The following GALNT1 variants were observed in gnomAD, a reference collection of about 807,000 sequenced individuals.
GALNT1 encodes the protein GalNAc transferase 1.
In GALNT1, 17 loss-of-function variants were observed where a neutral mutation model predicts 65.7. The observed-to-expected ratio is 0.26, with a 90% CI of 0.18 to 0.39. GALNT1 has a LOEUF of 0.39. Among genes scored for constraint, GALNT1 ranks in the 10% least tolerant of loss-of-function variants. GALNT1 has a pLI of 1.00. For missense variants in GALNT1, 460 were observed against 672.8 expected, an observed-to-expected ratio of 0.68 and a Z score of 3.50; for synonymous variants, 210 against 219.7, an observed-to-expected ratio of 0.96 and a Z score of 0.39.
chr18:35,606,014 G>A (rs946440720), intron 1 of GALNT1, among the ~76,000 whole-genome samples: 11 of 152,200 alleles, frequency 7.2e-5, no homozygotes, highest in African/African-American at 2.7e-4. Context: ...GTTATACTGT[G>A]CTAACAGTCT....
At chr18:35,676,288 G>A (rs1413585589) in intron 3 of GALNT1, among the ~76,000 whole-genome samples, 1 of 152,100 alleles carries the variant, frequency 6.6e-6, no homozygotes, top group Admixed American at 6.5e-5. Flanking sequence ...GGGGTCTTGG[G>A]AATGGTGAAG....
intron 1 of GALNT1, among the ~76,000 whole-genome samples, chr18:35,617,951 C>T (rs1350016664): frequency 6.6e-6 from 1 of 151,898 alleles, no homozygotes; most frequent in Non-Finnish European, 1.5e-5. Context: ...TTCGATAACT[C>T]TTCAGATTAG....
chr18:35,647,871 T>C (rs1041395053), intron 1 of GALNT1, among the ~76,000 whole-genome samples: 1 of 151,944 alleles, frequency 6.6e-6, no homozygotes, highest in Non-Finnish European at 1.5e-5. Flanking sequence ...TTGGGAAAAT[T>C]TGGCATGTGA....
chr18:35,630,984 C>G (rs964650915), intron 1 of GALNT1, among the ~76,000 whole-genome samples: 5 of 152,168 alleles, frequency 3.3e-5, no homozygotes, highest in African/African-American at 1.2e-4. Context: ...GACACATACA[C>G]TCTCCCAAGA....
At chr18:35,629,112 G>A (rs1193331430) in intron 1 of GALNT1, among the ~76,000 whole-genome samples, 24 of 152,140 alleles carry the variant, frequency 1.6e-4, no homozygotes, top group Admixed American at 1.4e-3. Context: ...GAAAGTGATG[G>A]GGAGAATGGA....
Position 35,710,718 on chromosome 18 carries a change from T to C in GALNT1, c.*948T>C, listed in dbSNP as rs2048339901. ...CGACTTCTTCACTTGACCTAACTGA[T>C]TATGCGAAATACCCAAGATTCATGC... On this transcript the variant is annotated 3_prime_UTR_variant, in exon 12 of 12. Coordinates refer to ENST00000269195, the MANE Select transcript of GALNT1 (RefSeq NM_020474.4). 1 of 152,768 alleles carries C rather than the reference T, an allele frequency of 6.5e-6. No homozygotes were observed. The highest frequency in any genetic ancestry group is 1.9e-4 in the East Asian group (1 of 5,190). 9.5% of individuals were successfully genotyped at this position (152,768 alleles called of 1,614,324 possible). A position where few individuals can be genotyped will look rare whatever the true frequency, so the allele number is the denominator to read the frequency against.
intron 1 of GALNT1, among the ~76,000 whole-genome samples, chr18:35,583,923 C>A (rs1413517250): frequency 6.6e-6 from 1 of 152,212 alleles, no homozygotes; most frequent in Non-Finnish European, 1.5e-5. Context: ...AATTTTGAAT[C>A]TGAATCACAC....
rs542277769 is a variant in GALNT1, at chr18:35,605,574, T to TCTCC, written c.-104+23723_-104+23726dup. 3.8e-4 allele frequency among the ~76,000 whole-genome samples: 58 copies of TCTCC among 151,906 alleles called. No homozygotes were observed. The South Asian group carries it at 6.7e-3, about 17-fold the overall frequency. On this transcript the variant is annotated intron_variant, in intron 1 of 11. Coordinates refer to ENST00000269195, the MANE Select transcript of GALNT1 (RefSeq NM_020474.4). Reference sequence around the variant, plus strand: ...ATTTTTATTTTTTAAAACTCTTAGATCTCCCTCCCTCCCTTTTTCTTCCTT... The same window carrying TCTCC: ...ATTTTTATTTTTTAAAACTCTTAGATCTCCCTCCCTCCCTCCCTTTTTCTTCCTT...
rs753167333 is a variant in GALNT1 at position 35,663,670 on chromosome 18, T to G, written c.182T>G (p.Met61Arg). 8.1e-6 allele frequency: 13 copies of G among 1,613,822 alleles called. No homozygotes were observed. The highest frequency in any genetic ancestry group is 8.0e-5 in the African/African-American group (6 of 74,894). ...AAGCCTCATGAAGGTCCTGGAGAAATGGGGAAACCAGTCGTCATTCCTAAA... is the reference window on the plus strand; with the variant it reads ...AAGCCTCATGAAGGTCCTGGAGAAAGGGGGAAACCAGTCGTCATTCCTAAA... ...VQKPHEGPGE[M>R]GKPVVIPKED... Residue 61 changes from methionine to arginine, a missense_variant, in exon 3 of 12, where the codon ATG becomes AGG. Transcript: ENST00000269195.
chr18:35,684,651 C>G (rs947239448), intron 5 of GALNT1, among the ~76,000 whole-genome samples: 45 of 152,158 alleles, frequency 3.0e-4, no homozygotes, highest in Non-Finnish European at 2.2e-4. Context: ...TTCTGAATAA[C>G]TTTTCCAACT....
At chr18:35,686,103 C>G (rs1396149205) in intron 5 of GALNT1, among the ~76,000 whole-genome samples, 1 of 152,088 alleles carries the variant, frequency 6.6e-6, no homozygotes, top group East Asian at 1.9e-4. Context: ...TTCACACCAA[C>G]AAGGAATACT....
intron 5 of GALNT1, among the ~76,000 whole-genome samples, chr18:35,684,869 A>C (rs1300134307): frequency 6.6e-6 from 1 of 152,196 alleles, no homozygotes; most frequent in Non-Finnish European, 1.5e-5. Flanking sequence ...TAGGAGACAA[A>C]AACCTAGGTC....
intron 1 of GALNT1, among the ~76,000 whole-genome samples, chr18:35,599,002 T>C (rs1345346686): frequency 3.9e-5 from 6 of 152,024 alleles, no homozygotes; most frequent in Admixed American, 6.5e-5. Context: ...TTTTTTTTTT[T>C]TTTTTTCATG....
At chr18:35,670,269 C>T (rs912157983) in intron 3 of GALNT1, among the ~76,000 whole-genome samples, 4 of 151,352 alleles carry the variant, frequency 2.6e-5, no homozygotes, top group Non-Finnish European at 4.4e-5. Context: ...ACTCCAGCCT[C>T]GGTGACAGTG....
intron 1 of GALNT1, among the ~76,000 whole-genome samples, chr18:35,616,907 G>A (rs2046790344): frequency 6.6e-6 from 1 of 152,066 alleles, no homozygotes; most frequent in Non-Finnish European, 1.5e-5. Context: ...CACTTGAAAG[G>A]GTTGTTATTA....
At chr18:35,668,956 A>C (rs1028272043) in intron 3 of GALNT1, among the ~76,000 whole-genome samples, 26 of 152,200 alleles carry the variant, frequency 1.7e-4, no homozygotes, top group Non-Finnish European at 3.4e-4. Context: ...AAAGCATTAC[A>C]CACAGCCGGG....
At chr18:35,587,043 A>T (rs2046385841) in intron 1 of GALNT1, among the ~76,000 whole-genome samples, 1 of 152,148 alleles carries the variant, frequency 6.6e-6, no homozygotes, top group Non-Finnish European at 1.5e-5. Context: ...CAAGTCCTGT[A>T]CATATGTTTT....
chr18:35,633,403 A>G (rs910418615), intron 1 of GALNT1, among the ~76,000 whole-genome samples: 3 of 152,154 alleles, frequency 2.0e-5, no homozygotes, highest in African/African-American at 4.8e-5. Context: ...AGGGACATGG[A>G]TGAAGCTGGA....
In GALNT1 at chr18:35,600,746, C is replaced by T. The variant is rs550683316; in HGVS notation, c.-104+18884C>T. On this transcript the variant is annotated intron_variant, in intron 1 of 11. Coordinates refer to ENST00000269195, the MANE Select transcript of GALNT1 (RefSeq NM_020474.4). The stretch of plus-strand genomic sequence containing the variant: ...TAATGTGATGTGTCAAGTTTATTGA[C>T]TTGCATATTTTGAGCTATTCTTGCA... Among the ~76,000 whole-genome samples the T allele has an allele frequency of 1.2e-3, 190 of 152,116 alleles. 4 individuals carry two copies. The South Asian group carries it at 0.031, about 25-fold the overall frequency.
Sources: gnomAD v4.1 joint callset for allele counts (sites outside exome capture counted in the v4.1 genomes callset) on GRCh38, gnomAD v4.1.1 for gene constraint, MANE v1.5 for transcripts, NCBI Gene and HGNC (gene_info 2026-07-23, HGNC 2026-07-21) for gene names.